Variants in SNRPN observed in about 807,000 individuals in gnomAD.
SNRPN encodes small nuclear ribonucleoprotein polypeptide N, also known as small nuclear ribonucleoprotein-associated protein N.
In SNRPN, 7 loss-of-function variants were observed where a neutral mutation model predicts 25.2. The ratio of observed to expected loss-of-function variants is 0.28; its 90% CI spans 0.16 to 0.52. The LOEUF is 0.52. SNRPN is among the 20% of genes least tolerant of loss of function. SNRPN has a pLI of 0.96. For missense variants in SNRPN, 196 were observed against 322.5 expected (o/e 0.61, Z 3.00); for synonymous variants, 124 against 110.6 (o/e 1.12, Z -0.76).
chr15:24,858,071 T>A (rs559989797), intron 1 of SNRPN, among the ~76,000 whole-genome samples: 2 of 152,280 alleles, frequency 1.3e-5, no homozygotes, highest in South Asian at 4.1e-4. Flanking sequence ...TCTCAAGCAC[T>A]GACTGAGCTT....
rs372713413 is a variant in SNRPN at position 24,834,728 on chromosome 15, C to CCTCTCTCTCTCTCTCT, written c.-579+4832_-579+4847dup. Among the ~76,000 whole-genome samples, 373 of 42,758 alleles carry CCTCTCTCTCTCTCTCT rather than the reference C, an allele frequency of 8.7e-3. 10 individuals are homozygous for CCTCTCTCTCTCTCTCT. The highest frequency in any genetic ancestry group is 0.015 in the Middle Eastern group (1 of 68). 28.1% of individuals were successfully genotyped at this position (42,758 alleles called of 152,430 possible). A position where few individuals can be genotyped will look rare whatever the true frequency, so the allele number is the denominator to read the frequency against. Reference sequence around the variant, plus strand: ...GAGTGAGACCTTGTCTCTCTCTCTCCCTCTCTCTCTCTCTCTCTCTCTCTA... The same window carrying CCTCTCTCTCTCTCTCT: ...GAGTGAGACCTTGTCTCTCTCTCTCCCTCTCTCTCTCTCTCTCTCTCTCTCTCTCTCTCTCTCTCTA... On this transcript the variant is annotated intron_variant, in intron 2 of 12. Transcript: ENST00000400100.
At chr15:24,842,521 C>T (rs2051796479) in intron 2 of SNRPN, among the ~76,000 whole-genome samples, 1 of 152,204 alleles carries the variant, frequency 6.6e-6, no homozygotes, top group Non-Finnish European at 1.5e-5. Flanking sequence ...CCCTTTCACA[C>T]AGCTGAGGAA....
upstream of SNRPN, among the ~76,000 whole-genome samples, chr15:24,855,811 AAAAG>A (rs1379448014): frequency 1.4e-5 from 2 of 147,324 alleles, no homozygotes; most frequent in African/African-American, 5.1e-5. Context: ...AAAAAAAAAA[AAAAG>A]GTATTCTACC....
intron 1 of SNRPN, among the ~76,000 whole-genome samples, chr15:24,824,200 G>T (rs2049920119): frequency 6.6e-6 from 1 of 152,028 alleles, no homozygotes; most frequent in Non-Finnish European, 1.5e-5. Flanking sequence ...ACAATCGCAG[G>T]CTTAAAGAAG....
At chr15:24,877,692 AC>A (rs1566857992) in intron 1 of SNRPN, among the ~76,000 whole-genome samples, 9,061 of 149,172 alleles carry the variant, frequency 0.061, 349 homozygotes, top group Non-Finnish European at 0.092. Flanking sequence ...ACACACACAC[AC>A]ACAAACACAC....
chr15:24,838,619 T>C (rs1418773409), intron 2 of SNRPN, among the ~76,000 whole-genome samples: 1 of 152,048 alleles, frequency 6.6e-6, no homozygotes, highest in Non-Finnish European at 1.5e-5. Flanking sequence ...ATTGAGCTGG[T>C]GTAGCCAGTT....
chr15:24,951,995 A>G (rs1287095121), upstream of SNRPN, among the ~76,000 whole-genome samples: 2 of 152,134 alleles, frequency 1.3e-5, no homozygotes, highest in African/African-American at 2.4e-5. Flanking sequence ...TTTAGGTGTC[A>G]TATCTAAGAA....
intron 2 of SNRPN, among the ~76,000 whole-genome samples, chr15:24,841,716 G>C (rs1404557782): frequency 6.6e-6 from 1 of 152,184 alleles, no homozygotes; most frequent in Non-Finnish European, 1.5e-5. Flanking sequence ...CACTGCGTAA[G>C]ATTTCCCTGG....
At chr15:24,935,259 G>A (rs1371735911) in intron 3 of SNRPN, among the ~76,000 whole-genome samples, 9 of 150,242 alleles carry the variant, frequency 6.0e-5, no homozygotes, top group Admixed American at 4.0e-4. Flanking sequence ...GCAACAGAGC[G>A]AGACTTTGTC....
At chr15:24,965,778 C>T (rs138100454) in intron 2 of SNRPN, among the ~76,000 whole-genome samples, 1 of 152,084 alleles carries the variant, frequency 6.6e-6, no homozygotes, top group African/African-American at 2.4e-5. Context: ...GCCTCATTTT[C>T]TCAGTCTTTA....
chr15:24,963,222 G>A lies in SNRPN; in HGVS notation c.-295+1013G>A, dbSNP rs1015974950. 5.3e-5 allele frequency among the ~76,000 whole-genome samples: 8 copies of A among 152,198 alleles called. No individual in the cohort carries two copies. The South Asian group carries it at 6.2e-4, about 12-fold the overall frequency. The stretch of plus-strand genomic sequence containing the variant: ...ATCTACCTTATTTTACAAAGTGTGC[G>A]TGGTGTGATAACATTATTATTGTAA... On this transcript the variant is annotated intron_variant, in intron 2 of 9. Coordinates refer to ENST00000390687, the MANE Select transcript of SNRPN (RefSeq NM_003097.6).
At chr15:24,895,821 G>C (rs551408834) in intron 2 of SNRPN, among the ~76,000 whole-genome samples, 1 of 152,158 alleles carries the variant, frequency 6.6e-6, no homozygotes, top group Non-Finnish European at 1.5e-5. Flanking sequence ...CTCCAGGAGA[G>C]CCTTAAGCCA....
At chr15:24,875,430 C>G (rs1281647686) in intron 1 of SNRPN, among the ~76,000 whole-genome samples, 1 of 152,152 alleles carries the variant, frequency 6.6e-6, no homozygotes, top group Non-Finnish European at 1.5e-5. Flanking sequence ...TTATTTTTCT[C>G]AATTTCAATC....
intron 1 of SNRPN, among the ~76,000 whole-genome samples, chr15:24,877,697 A>ACACACACACACACACACAC (rs1566858064): frequency 1.8e-5 from 2 of 113,836 alleles, no homozygotes; most frequent in African/African-American, 3.2e-5. Flanking sequence ...CACACACACA[A>ACACACACACACACACACAC]ACACACTAGC....
intron 2 of SNRPN, among the ~76,000 whole-genome samples, chr15:24,889,285 A>G (rs1326366658): frequency 6.6e-6 from 1 of 151,866 alleles, no homozygotes; most frequent in Non-Finnish European, 1.5e-5. Flanking sequence ...TTTAGTCTGT[A>G]GCAAGTAATA....
At chr15:24,966,996 C>T (rs2075736451) in intron 2 of SNRPN, 1 of 152,062 alleles carries the variant, frequency 6.6e-6, no homozygotes, top group East Asian at 1.9e-4. Flanking sequence ...ATTTTAAGAG[C>T]CCTTAAATAG....
intron 2 of SNRPN, among the ~76,000 whole-genome samples, chr15:24,905,722 A>G (rs942807276): frequency 6.6e-6 from 1 of 152,212 alleles, no homozygotes; most frequent in African/African-American, 2.4e-5. Context: ...TAATATTTGG[A>G]ATAAACTGTA....
intron 3 of SNRPN, among the ~76,000 whole-genome samples, chr15:24,930,017 C>T (rs2060696679): frequency 6.6e-6 from 1 of 152,072 alleles, no homozygotes. Context: ...GAAACCCTGT[C>T]TCCACCAAAA....
intron 3 of SNRPN, among the ~76,000 whole-genome samples, chr15:24,931,967 A>T (rs1380917500): frequency 6.6e-6 from 1 of 151,858 alleles, no homozygotes; most frequent in Non-Finnish European, 1.5e-5. Flanking sequence ...AAAATTTACC[A>T]AAAGTGGTGG....
Sources: gnomAD v4.1 joint callset for allele counts (sites outside exome capture counted in the v4.1 genomes callset) on GRCh38, gnomAD v4.1.1 for gene constraint, MANE v1.5 for transcripts, NCBI Gene and HGNC (gene_info 2026-07-23, HGNC 2026-07-21) for gene names.